The following RBM19 variants were observed in gnomAD, a reference collection of about 807,000 sequenced individuals.
RBM19 encodes RNA binding motif protein 19.
In RBM19, 94 loss-of-function variants were observed where a neutral mutation model predicts 116.8. That is an observed-to-expected ratio of 0.80 (90% CI 0.68 to 0.95). The LOEUF is 0.95. Ranked by LOEUF, RBM19 falls within the 40% of genes least tolerant of loss-of-function variation. RBM19 has a pLI of 0.00. For missense variants in RBM19, 1,161 were observed against 1,220.7 expected (o/e 0.95, Z 0.73); for synonymous variants, 475 against 494.1 (o/e 0.96, Z 0.51).
intron 21 of RBM19, among the ~76,000 whole-genome samples, chr12:113,901,205 T>C (rs569571643): frequency 5.9e-5 from 9 of 152,356 alleles, no homozygotes; most frequent in African/African-American, 2.2e-4. Flanking sequence ...GCCTTTTGAT[T>C]TCCCTAGGTA....
chr12:113,849,511 C>T (rs1421793186), intron 22 of RBM19, among the ~76,000 whole-genome samples: 1 of 152,264 alleles, frequency 6.6e-6, no homozygotes, highest in Non-Finnish European at 1.5e-5. Flanking sequence ...AGAGAGCAGG[C>T]AGTGCCTGAC....
intron 16 of RBM19, among the ~76,000 whole-genome samples, chr12:113,927,605 C>CAAAAAAA: frequency 1.1e-5 from 1 of 91,098 alleles, no homozygotes; most frequent in African/African-American, 3.3e-5. Context: ...AAAAAAAAAA[C>CAAAAAAA]AAAAAAAAAA....
intron 23 of RBM19, among the ~76,000 whole-genome samples, chr12:113,842,388 G>C (rs773765019): frequency 4.6e-5 from 7 of 152,360 alleles, no homozygotes; most frequent in East Asian, 3.9e-4. Flanking sequence ...GCTTGTCAAT[G>C]GTTGTCGATA....
intron 23 of RBM19, among the ~76,000 whole-genome samples, chr12:113,833,145 C>A (rs1376630128): frequency 6.6e-6 from 1 of 152,168 alleles, no homozygotes; most frequent in African/African-American, 2.4e-5. Flanking sequence ...CCCGCCCAGC[C>A]ACCTGTCCTT....
At chr12:113,928,661 G>GTGTC (rs1555242499) in intron 16 of RBM19, among the ~76,000 whole-genome samples, 67 of 149,514 alleles carry the variant, frequency 4.5e-4, no homozygotes, top group Middle Eastern at 3.4e-3. Context: ...GTGTGTGTGT[G>GTGTC]TCTGCAGCTC....
At chr12:113,917,796 G>A (rs973331949) in intron 20 of RBM19, among the ~76,000 whole-genome samples, 1 of 152,184 alleles carries the variant, frequency 6.6e-6, no homozygotes, top group African/African-American at 2.4e-5. Flanking sequence ...GAGGCACGTC[G>A]GGTGTAATAG....
Position 113,946,511 on chromosome 12 carries a change from C to A in RBM19, c.1408-36G>T, listed in dbSNP as rs375945351. 4 of 1,613,284 alleles carry A rather than the reference C, an allele frequency of 2.5e-6. No individual in the cohort carries two copies. In the Admixed American group the frequency reaches 6.7e-5, roughly 27 times the overall value. ...ATGACGGGAAGGGAGTAAACAGAAGCCTTGCCTGTAAGCCCTGCTTCCTGC... is the reference window on the plus strand; with the variant it reads ...ATGACGGGAAGGGAGTAAACAGAAGACTTGCCTGTAAGCCCTGCTTCCTGC... On this transcript the variant is annotated intron_variant, in intron 11 of 23. Transcript: ENST00000261741.
intron 21 of RBM19, among the ~76,000 whole-genome samples, chr12:113,864,284 T>C (rs911226843): frequency 6.6e-6 from 1 of 152,180 alleles, no homozygotes; most frequent in Non-Finnish European, 1.5e-5. Flanking sequence ...AGTATTAACC[T>C]TGCCCTCACC....
At chr12:113,952,457 C>A (rs947767573) in intron 8 of RBM19, 55 bp downstream of exon 8, 3 of 1,486,908 alleles carry the variant, frequency 2.0e-6, no homozygotes, top group African/African-American at 2.8e-5. Flanking sequence ...AGTACCCCAA[C>A]CTTCAATCTT....
intron 21 of RBM19, among the ~76,000 whole-genome samples, chr12:113,911,164 C>T (rs1882402350): frequency 6.6e-6 from 1 of 152,190 alleles, no homozygotes; most frequent in Non-Finnish European, 1.5e-5. Flanking sequence ...CCATTTCCGT[C>T]CTTGTTTGAG....
intron 15 of RBM19, among the ~76,000 whole-genome samples, chr12:113,938,511 T>A (rs935240296): frequency 6.6e-6 from 1 of 152,142 alleles, no homozygotes; most frequent in Non-Finnish European, 1.5e-5. Flanking sequence ...GAGACCAAGG[T>A]CTGCGAAGTG....
chr12:113,832,110 C>T (rs897059724), intron 23 of RBM19, among the ~76,000 whole-genome samples: 1 of 152,190 alleles, frequency 6.6e-6, no homozygotes, highest in Non-Finnish European at 1.5e-5. Context: ...TCAACCTCTC[C>T]TGGAACCACT....
intron 23 of RBM19, among the ~76,000 whole-genome samples, chr12:113,830,590 T>TGGGGG (rs1555228714): frequency 1.1e-4 from 2 of 17,392 alleles, no homozygotes; most frequent in Non-Finnish European, 2.0e-4. Flanking sequence ...GGGGGGGGGG[T>TGGGGG]GGGCTATGCC....
chr12:113,831,818 G>T (rs139083667), intron 23 of RBM19, among the ~76,000 whole-genome samples: 1 of 152,320 alleles, frequency 6.6e-6, no homozygotes, highest in Non-Finnish European at 1.5e-5. Context: ...GCCCAGCGAG[G>T]CTCAGGCGTG....
chr12:113,872,864 T>C (rs1593515273), intron 21 of RBM19, among the ~76,000 whole-genome samples: 4 of 97,544 alleles, frequency 4.1e-5, no homozygotes, highest in African/African-American at 7.6e-5. Context: ...AGCCGCCCCG[T>C]CCGGGAGGGA....
At position 113,872,086 on chromosome 12, in the gene RBM19, C is replaced by T. The variant is rs868367363; in HGVS notation, c.2559-13190G>A. Among the ~76,000 whole-genome samples the T allele has an allele frequency of 5.8e-3, 852 of 147,710 alleles. 8 individuals carry two copies. Among genetic ancestry groups the T allele is most frequent in the African/African-American group, 0.02 (807 of 40,314 alleles). ...ATCCCATCTAGGAAGTGAGGAGCGC[C>T]TCTTCCCAGCCGCCATCACATCTAG... On this transcript the variant is annotated intron_variant, in intron 21 of 23. Transcript: ENST00000261741.
chr12:113,940,137 A>G lies in RBM19; in HGVS notation c.1761T>C (p.Thr587=). The change falls in exon 15 of 24, where the codon ACT becomes ACC. Residue 587 remains threonine (T), a synonymous_variant. Transcript: ENST00000261741. The part of the protein sequence containing the change: ...FSQAAAERSK[T]VILVKNLPAG... ...CCGGGAGGTTCTTGACCAGAATCAC[A>G]GTCTTGCTTCGCTCTGCTGCAGCCT... The G allele has an allele frequency of 1.2e-6, 2 of 1,613,984 alleles. No individual in the cohort carries two copies. Among genetic ancestry groups the G allele is most frequent in the East Asian group, 4.5e-5 (2 of 44,872 alleles).
At chr12:113,863,231 GT>G (rs1407356153) in intron 21 of RBM19, among the ~76,000 whole-genome samples, 6 of 151,768 alleles carry the variant, frequency 4.0e-5, no homozygotes, top group African/African-American at 1.4e-4. Context: ...GTGTGTGTGT[GT>G]GTGTGGGGCC....
At chr12:113,948,513 T>A (rs992670636) in intron 10 of RBM19, among the ~76,000 whole-genome samples, 5 of 152,246 alleles carry the variant, frequency 3.3e-5, no homozygotes, top group Non-Finnish European at 5.9e-5. Flanking sequence ...GGCATGACTT[T>A]GGACAGCAAG....
Sources: gnomAD v4.1 joint callset for allele counts (sites outside exome capture counted in the v4.1 genomes callset) on GRCh38, gnomAD v4.1.1 for gene constraint, MANE v1.5 for transcripts, NCBI Gene and HGNC (gene_info 2026-07-23, HGNC 2026-07-21) for gene names.